CYP2R1: variants seen among roughly 807,000 people sequenced by gnomAD.
CYP2R1 encodes vitamin D 25-hydroxylase.
A neutral mutation model predicts 45.7 loss-of-function variants in CYP2R1; 40 were observed. The observed-to-expected ratio is 0.87, with a 90% CI of 0.68 to 1.14. The LOEUF (loss-of-function observed/expected upper bound fraction) is 1.14. CYP2R1 is among the 50% of genes most tolerant of loss of function. The pLI is 0.00. For synonymous variants in CYP2R1, 234 were observed against 219.3 expected, an observed-to-expected ratio of 1.07 and a Z score of -0.59; for missense variants, 605 against 602.6, an observed-to-expected ratio of 1.00 and a Z score of -0.04.
chr11:14,880,484 C>T lies in CYP2R1; in HGVS notation c.652G>A (p.Val218Met). ...QHMIELFSEN[V>M]ELAASASVFL... ...ACTGAGGCACTGGCAGCTAGTTCCA[C>T]ATTTTCACTAAATAACTCAATCATG... The change falls in exon 3 of 5, where the codon GTG (valine) becomes ATG (methionine). Residue 218 changes from valine (V) to methionine (M), a missense_variant. Val to Met is a conservative substitution (Grantham distance 21). Transcript: ENST00000334636. 6.2e-7 allele frequency: 1 copy of T among 1,613,468 alleles called. No individual in the cohort carries two copies. The highest frequency in any genetic ancestry group is 8.5e-7 in the Non-Finnish European group (1 of 1,179,676).
At chr11:14,884,765 T>C (rs1403495621) in intron 2 of CYP2R1, among the ~76,000 whole-genome samples, 1 of 152,078 alleles carries the variant, frequency 6.6e-6, no homozygotes, top group Non-Finnish European at 1.5e-5. Context: ...TTAAGTTGAA[T>C]GCTTTATGAT....
At chr11:14,891,635 C>G (rs929868078) in intron 1 of CYP2R1, 3 of 1,106,196 alleles carry the variant, frequency 2.7e-6, no homozygotes, top group Admixed American at 9.8e-5. Flanking sequence ...CACCTGAGGG[C>G]ATGCGTCCAC....
chr11:14,884,504 G>A (rs1480984525), intron 2 of CYP2R1, among the ~76,000 whole-genome samples: 6 of 143,806 alleles, frequency 4.2e-5, no homozygotes, highest in African/African-American at 1.5e-4. Flanking sequence ...GACACAGGAA[G>A]GGGAACATCA....
chr11:14,880,456 A>G lies in CYP2R1; in HGVS notation c.680T>C (p.Phe227Ser), dbSNP rs782082842. Residue 227 changes from phenylalanine to serine, a missense_variant, in exon 3 of 5, where the codon TTC becomes TCC. By Grantham distance (155) the Phe-to-Ser change is radical. Coordinates refer to ENST00000334636, the MANE Select transcript of CYP2R1 (RefSeq NM_024514.5). ...NVELAASASV[F>S]LYNAFPWIGI... ...AATCCATGGAAAGGCATTATACAAG[A>G]AGACTGAGGCACTGGCAGCTAGTTC... 1 of 1,613,494 alleles carries G rather than the reference A, an allele frequency of 6.2e-7. No homozygotes were observed. Among genetic ancestry groups the G allele is most frequent in the Non-Finnish European group, 8.5e-7 (1 of 1,179,722 alleles).
chr11:14,891,476 T>A, intron 1 of CYP2R1: 2 of 986,726 alleles, frequency 2.0e-6, no homozygotes, highest in Non-Finnish European at 2.4e-6. Flanking sequence ...GCATTCTCCA[T>A]TCTCACAGCA....
rs1276784927 is a variant in CYP2R1 at position 14,877,993 on chromosome 11, G to C, written c.*129C>G. The C allele has an allele frequency of 1.1e-6, 1 of 922,386 alleles. No individual in the cohort carries two copies. The highest frequency in any genetic ancestry group is 1.7e-6 in the Non-Finnish European group (1 of 593,060). 57.1% of individuals were successfully genotyped at this position (922,386 alleles called of 1,614,324 possible). ...TGTTTCTGCTCTAGTACTATTTTAAGACACATCTGTGTTCATTTGGCTTTT... is the reference window on the plus strand; with the variant it reads ...TGTTTCTGCTCTAGTACTATTTTAACACACATCTGTGTTCATTTGGCTTTT... On this transcript the variant is annotated 3_prime_UTR_variant, in exon 5 of 5. Coordinates refer to ENST00000334636, the MANE Select transcript of CYP2R1 (RefSeq NM_024514.5).
At chr11:14,891,914 A>G in intron 1 of CYP2R1, 67 bp downstream of exon 1, 1 of 1,556,612 alleles carries the variant, frequency 6.4e-7, no homozygotes, top group Non-Finnish European at 8.7e-7. Context: ...AAGTCCAACC[A>G]GGAAGGCCCT....
chr11:14,879,053 G>C (rs1848266586), intron 4 of CYP2R1, 61 bp downstream of exon 4: 3 of 1,307,468 alleles, frequency 2.3e-6, no homozygotes, highest in Middle Eastern at 1.8e-4. Context: ...TTAAGATGCT[G>C]TATCTAATGA....
intron 3 of CYP2R1, 34 bp downstream of exon 3, chr11:14,880,102 G>T: frequency 6.2e-7 from 1 of 1,610,038 alleles, no homozygotes; most frequent in South Asian, 1.1e-5. Context: ...CTACATGTAA[G>T]GATAGACCCT....
chr11:14,878,231 A>C lies in CYP2R1; in HGVS notation c.1397T>G (p.Leu466Arg). Residue 466 changes from leucine (L) to arginine (R), a missense_variant, in exon 5 of 5, where the codon CTT (leucine) becomes CGT (arginine). Transcript: ENST00000334636. ...TGGAAAATGCAAATGAAACCTCTGA[A>C]GCAATGCTGTAAAAAACAAGAACAT... is the stretch of plus-strand genomic sequence containing the variant. ...MEMFLFFTAL[L>R]QRFHLHFPHE... 2 of 1,613,260 alleles carry C rather than the reference A, an allele frequency of 1.2e-6. No individual in the cohort carries two copies. Among genetic ancestry groups the C allele is most frequent in the Non-Finnish European group, 1.7e-6 (2 of 1,179,512 alleles).
intron 4 of CYP2R1, among the ~76,000 whole-genome samples, chr11:14,878,796 T>C (rs534367868): frequency 6.6e-6 from 1 of 152,234 alleles, no homozygotes; most frequent in African/African-American, 2.4e-5. Flanking sequence ...TAAGTGACTA[T>C]ATCTTTTCCC....
At chr11:14,891,504 T>C in intron 1 of CYP2R1, 2 of 994,672 alleles carry the variant, frequency 2.0e-6, no homozygotes, top group Non-Finnish European at 2.4e-6. Context: ...ACACCAGTCG[T>C]TCGTCGACTG....
chr11:14,881,650 G>A lies in CYP2R1; in HGVS notation c.368-882C>T, dbSNP rs1590217184. On this transcript the variant is annotated intron_variant, in intron 2 of 4. Coordinates refer to ENST00000334636, the MANE Select transcript of CYP2R1 (RefSeq NM_024514.5). ...TCCCCTTGGTGATAAGTGAGTTCTC[G>A]CTCAGTTAATGTGAGATCTGGTTGT... 2.0e-5 allele frequency among the ~76,000 whole-genome samples: 3 copies of A among 152,072 alleles called. No individual in the cohort carries two copies. The East Asian group carries it at 5.8e-4, about 29-fold the overall frequency.
At chr11:14,881,267 A>G (rs539415339) in intron 2 of CYP2R1, among the ~76,000 whole-genome samples, 8 of 152,254 alleles carry the variant, frequency 5.3e-5, no homozygotes, top group Admixed American at 2.6e-4. Flanking sequence ...TGACAGGGGT[A>G]AGGGTACTCT....
chr11:14,885,060 T>C (rs1217128748), intron 2 of CYP2R1, among the ~76,000 whole-genome samples: 1 of 152,224 alleles, frequency 6.6e-6, no homozygotes. Flanking sequence ...TCAACCAATG[T>C]CTTTAGTTTT....
In CYP2R1 at chr11:14,885,238, C is replaced by T. The variant is rs147144349; in HGVS notation, c.367+538G>A. Among the ~76,000 whole-genome samples, 225 of 152,142 alleles carry T rather than the reference C, an allele frequency of 1.5e-3. 1 individual carries two copies. The highest frequency in any genetic ancestry group is 1.8e-3 in the Non-Finnish European group (120 of 67,984). On this transcript the variant is annotated intron_variant, in intron 2 of 4. Transcript: ENST00000334636. ...CTGTCTGTTGCTGCTTTCTTCTTACCGATTTTGTCAACTTTCAGTCTTTCC... is the reference window on the plus strand; with the variant it reads ...CTGTCTGTTGCTGCTTTCTTCTTACTGATTTTGTCAACTTTCAGTCTTTCC...
At chr11:14,879,079 TA>T (rs1848267445) in intron 4 of CYP2R1, 34 bp downstream of exon 4, 1 of 1,504,998 alleles carries the variant, frequency 6.6e-7, no homozygotes, top group African/African-American at 1.4e-5. Flanking sequence ...CATTATCCTT[TA>T]TTCTAAAGTT....
rs201185910 is a variant in CYP2R1, at chr11:14,880,176, C to T, written c.960G>A (p.Arg320=). The T allele has an allele frequency of 6.2e-6, 10 of 1,612,870 alleles. No individual in the cohort carries two copies. The highest frequency in any genetic ancestry group is 1.7e-5 in the Admixed American group (1 of 59,810). The stretch of plus-strand genomic sequence containing the variant: ...AAAGGGCCATGAAAAGAATCGCCCA[C>T]CGTAGCACATTGGTTGTAGTTTCAG... ...AGTETTTNVL[R]WAILFMALYP... is the part of the protein sequence containing the mutation. Residue 320 remains arginine, a synonymous_variant, in exon 3 of 5, where the codon CGG becomes CGA. Coordinates refer to ENST00000334636, the MANE Select transcript of CYP2R1 (RefSeq NM_024514.5).
Position 14,889,986 on chromosome 11 carries a change from G to A in CYP2R1, c.225+1995C>T, listed in dbSNP as rs149476087. 5.7e-4 allele frequency among the ~76,000 whole-genome samples: 86 copies of A among 152,038 alleles called. 1 individual carries two copies. The highest frequency in any genetic ancestry group is 1.9e-3 in the African/African-American group (77 of 41,472). ...TACTAAAAATTACAAAAAATTAGCCGGGCGTGGTGGCGAGCACCTGTGGTC... is the reference window on the plus strand; with the variant it reads ...TACTAAAAATTACAAAAAATTAGCCAGGCGTGGTGGCGAGCACCTGTGGTC... On this transcript the variant is annotated intron_variant, in intron 1 of 4. Transcript: ENST00000334636.
Sources: allele counts gnomAD v4.1 joint callset (sites outside exome capture counted in the v4.1 genomes callset), GRCh38; gene constraint gnomAD v4.1.1; transcripts MANE v1.5; gene names NCBI Gene and HGNC (gene_info 2026-07-23, HGNC 2026-07-21).